UTS2B: variants seen among roughly 807,000 people sequenced by gnomAD.
UTS2B encodes urotensin 2B.
Under a neutral mutation model 19.2 loss-of-function variants are expected in UTS2B, and 21 were observed. That is an observed-to-expected ratio of 1.09 (90% CI 0.78 to 1.58). The LOEUF is 1.58. UTS2B is among the 40% of genes most tolerant of loss of function. The pLI is 0.00. For synonymous variants in UTS2B, 57 were observed against 50.2 expected (o/e 1.14, Z -0.58); for missense variants, 138 against 130.3 (o/e 1.06, Z -0.29).
At chr3:191,315,165 A>G (rs1195677908) in intron 3 of UTS2B, among the ~76,000 whole-genome samples, 1 of 151,972 alleles carries the variant, frequency 6.6e-6, no homozygotes, top group Non-Finnish European at 1.5e-5. Flanking sequence ...GGCGCCTGCC[A>G]CCATGCCCAG....
intron 5 of UTS2B, among the ~76,000 whole-genome samples, chr3:191,281,062 C>T (rs1716371758): frequency 6.6e-6 from 1 of 152,124 alleles, no homozygotes. Flanking sequence ...CAGAACTACT[C>T]TACTTTTTAT....
chr3:191,319,490 G>T (rs1467090472), intron 2 of UTS2B, among the ~76,000 whole-genome samples: 1 of 152,088 alleles, frequency 6.6e-6, no homozygotes, highest in Admixed American at 6.6e-5. Flanking sequence ...TTTTAACTTA[G>T]TTGCTTCTCT....
At chr3:191,334,702 C>T (rs1292267574), upstream of UTS2B, among the ~76,000 whole-genome samples, 3 of 152,290 alleles carry the variant, frequency 2.0e-5, no homozygotes, top group Non-Finnish European at 4.4e-5. Context: ...TTTCCTCCTT[C>T]CCTCTCTTCC....
intron 4 of UTS2B, among the ~76,000 whole-genome samples, chr3:191,291,453 A>T (rs2117546): frequency 0.39 from 58,474 of 151,618 alleles, 11,787 homozygotes; most frequent in East Asian, 0.64. Context: ...AGGTCTTTGA[A>T]CCACTTTCTT....
the UTS2B span, among the ~76,000 whole-genome samples, chr3:191,336,645 A>T: frequency 6.6e-6 from 1 of 152,210 alleles, no homozygotes. Flanking sequence ...GGATCCAAAC[A>T]CCTTCCTAGC....
rs533566188 is a variant in UTS2B at position 191,315,157 on chromosome 3, C to T, written c.-182+879G>A. 7.9e-5 allele frequency among the ~76,000 whole-genome samples: 12 copies of T among 152,078 alleles called. No individual in the cohort carries two copies. In the South Asian group the frequency reaches 1.9e-3, roughly 24 times the overall value. On this transcript the variant is annotated intron_variant, in intron 3 of 8. Coordinates refer to ENST00000340524, the MANE Select transcript of UTS2B (RefSeq NM_198152.5). ...CCTCCCGAGTAGCTAGGATTATAGGCGCCTGCCACCATGCCCAGACAATTT... is the reference window on the plus strand; with the variant it reads ...CCTCCCGAGTAGCTAGGATTATAGGTGCCTGCCACCATGCCCAGACAATTT...
intron 8 of UTS2B, among the ~76,000 whole-genome samples, chr3:191,271,417 A>T (rs1190293592): frequency 6.6e-6 from 1 of 152,128 alleles, no homozygotes; most frequent in East Asian, 1.9e-4. Context: ...CAGCTGCAGC[A>T]CCCAATTAAA....
At chr3:191,336,949 G>T in the UTS2B span, among the ~76,000 whole-genome samples, 1 of 152,322 alleles carries the variant, frequency 6.6e-6, no homozygotes, top group African/African-American at 2.4e-5. Flanking sequence ...GGCTTTTACA[G>T]TGTTTAATGA....
Position 191,275,280 on chromosome 3 carries a change from AC to A in UTS2B, c.305del (p.Gly102ValfsTer53), listed in dbSNP as rs1473780267. ...GTTTGCTAGGATGAGAAGAGAATAG[AC>A]CATCTACAGCATAGGACGTCTCAGA... Reference protein sequence around the residue: ...KDSETSYAVDGLFSSHPSKRA... With the variant: ...KDSETSYAVDXLFSSHPSKRA... On this transcript the variant is annotated frameshift_variant, in exon 8 of 9. Transcript: ENST00000340524. LOFTEE classifies it high-confidence loss of function. 7 of 1,613,470 alleles carry A rather than the reference AC, an allele frequency of 4.3e-6. No homozygotes were observed. The Admixed American group carries it at 8.3e-5, about 19-fold the overall frequency.
At position 191,290,572 on chromosome 3, in the gene UTS2B, C is replaced by A. The variant is rs114001703; in HGVS notation, c.-124-8259G>T. On this transcript the variant is annotated intron_variant, in intron 4 of 8. Coordinates refer to ENST00000340524, the MANE Select transcript of UTS2B (RefSeq NM_198152.5). ...CCCACATGATCTCTTGCCCACATAT[C>A]ACAATTGGGGAAACACAGAGATAGA... Among the ~76,000 whole-genome samples the A allele has an allele frequency of 9.1e-3, 1,383 of 152,272 alleles. 24 individuals are homozygous for A. Among genetic ancestry groups the A allele is most frequent in the African/African-American group, 0.031 (1,293 of 41,556 alleles).
intron 4 of UTS2B, among the ~76,000 whole-genome samples, chr3:191,287,579 C>T (rs1044139383): frequency 2.6e-5 from 4 of 151,998 alleles, no homozygotes; most frequent in African/African-American, 9.7e-5. Context: ...AAACTCTCAA[C>T]ATATTAAGTA....
chr3:191,295,167 T>C (rs990341468), intron 4 of UTS2B, among the ~76,000 whole-genome samples: 15 of 151,992 alleles, frequency 9.9e-5, no homozygotes, highest in African/African-American at 3.4e-4. Context: ...CAGGCCAAAC[T>C]TCCTAAAATA....
upstream of UTS2B, among the ~76,000 whole-genome samples, chr3:191,332,511 T>G (rs1001673458): frequency 6.6e-6 from 1 of 152,236 alleles, no homozygotes; most frequent in South Asian, 2.1e-4. Flanking sequence ...AATACTCTAT[T>G]TCTTCTGAAA....
At chr3:191,322,380 T>C (rs1170173225) in intron 2 of UTS2B, among the ~76,000 whole-genome samples, 2 of 152,156 alleles carry the variant, frequency 1.3e-5, no homozygotes, top group Non-Finnish European at 2.9e-5. Context: ...AACATGAAAG[T>C]AGACCTATCT....
chr3:191,284,798 T>C (rs957786081), intron 4 of UTS2B, among the ~76,000 whole-genome samples: 5 of 152,028 alleles, frequency 3.3e-5, no homozygotes, highest in African/African-American at 1.2e-4. Context: ...TTTTCTGCCA[T>C]ATTTTAGGTA....
the UTS2B span, among the ~76,000 whole-genome samples, chr3:191,338,512 G>C: frequency 2.0e-5 from 3 of 152,188 alleles, no homozygotes; most frequent in African/African-American, 7.2e-5. Context: ...TGCATTTATA[G>C]ATCACTTTCT....
At chr3:191,292,612 C>T (rs1295523002) in intron 4 of UTS2B, among the ~76,000 whole-genome samples, 2 of 152,104 alleles carry the variant, frequency 1.3e-5, no homozygotes, top group African/African-American at 4.8e-5. Context: ...GACAGTTTTA[C>T]TCTTTCCTTT....
chr3:191,271,741 T>C (rs1289112642), intron 8 of UTS2B, among the ~76,000 whole-genome samples: 1 of 152,204 alleles, frequency 6.6e-6, no homozygotes, highest in East Asian at 1.9e-4. Context: ...CTCGTCACAA[T>C]GCCAAACAAT....
At chr3:191,289,295 G>A (rs1456926588) in intron 4 of UTS2B, among the ~76,000 whole-genome samples, 1 of 151,924 alleles carries the variant, frequency 6.6e-6, no homozygotes, top group African/African-American at 2.4e-5. Context: ...TGTAGGCCCA[G>A]GTGCTCGGGA....
Sources: allele counts gnomAD v4.1 joint callset (sites outside exome capture counted in the v4.1 genomes callset), GRCh38; gene constraint gnomAD v4.1.1; transcripts MANE v1.5; gene names NCBI Gene and HGNC (gene_info 2026-07-23, HGNC 2026-07-21).